The following MYCBP2 variants were observed in gnomAD, a reference collection of about 807,000 sequenced individuals.
MYCBP2 encodes E3 ubiquitin-protein ligase MYCBP2.
Under a neutral mutation model 525.3 loss-of-function variants are expected in MYCBP2, and 120 were observed. That is an observed-to-expected ratio of 0.23 (90% CI 0.20 to 0.27). The LOEUF (loss-of-function observed/expected upper bound fraction) is 0.27. Ranked by LOEUF, MYCBP2 falls within the 10% of genes least tolerant of loss-of-function variation. MYCBP2 has a pLI of 1.00. For missense variants in MYCBP2, 4,149 were observed against 5,657.1 expected (o/e 0.73, Z 8.55); for synonymous variants, 1,894 against 1,955.8 (o/e 0.97, Z 0.83).
chr13:77,261,823 T>A (rs190782726), intron 11 of MYCBP2, among the ~76,000 whole-genome samples: 2 of 152,188 alleles, frequency 1.3e-5, no homozygotes, highest in East Asian at 3.9e-4. Context: ...CTTCAATTTG[T>A]AAAAAGAGCA....
At chr13:77,080,501 C>T (rs1295597038) in intron 65 of MYCBP2, 1 of 152,142 alleles carries the variant, frequency 6.6e-6, no homozygotes. Flanking sequence ...AAATAGGACT[C>T]TTTTTTCTTG....
At chr13:77,153,064 C>CAAGAA (rs2056728855) in intron 46 of MYCBP2, among the ~76,000 whole-genome samples, 1 of 78,924 alleles carries the variant, frequency 1.3e-5, no homozygotes, top group East Asian at 3.5e-4. Flanking sequence ...GACTCTGTCT[C>CAAGAA]AAAAAAAAAA....
intron 82 of MYCBP2, among the ~76,000 whole-genome samples, chr13:77,048,524 TTATTC>T (rs753280095): frequency 3.9e-5 from 6 of 152,194 alleles, no homozygotes; most frequent in Non-Finnish European, 7.4e-5. Context: ...GGGATCTCCT[TTATTC>T]TATTCCAGTT....
rs749834392 is a variant in MYCBP2, at chr13:77,326,430, G to A, written c.302+44C>T. 3.4e-5 allele frequency: 51 copies of A among 1,496,580 alleles called. 1 individual carries two copies. In the South Asian group the frequency reaches 6.0e-4, roughly 18 times the overall value. 92.7% of individuals were successfully genotyped at this position (1,496,580 alleles called of 1,614,324 possible). A position where few individuals can be genotyped will look rare whatever the true frequency, so the allele number is the denominator to read the frequency against. The stretch of plus-strand genomic sequence containing the variant: ...GTGCACGCGCGGCATGGGGCGCAAG[G>A]AAGGGCGGCATGGGGCGCAAGGAAG... On this transcript the variant is annotated intron_variant, in intron 1 of 82. Transcript: ENST00000544440. This position sits in a 1 kb window ranked among gnomAD's most constrained non-coding sequence, Gnocchi z 4.2.
In MYCBP2 at chr13:77,093,150, A is replaced by G; in HGVS notation, c.10367+15T>C. 1 of 1,599,340 alleles carries G rather than the reference A, an allele frequency of 6.3e-7. No individual in the cohort carries two copies. The highest frequency in any genetic ancestry group is 8.5e-7 in the Non-Finnish European group (1 of 1,173,114). ...AAACACTAGCTATTCAACAGACAGG[A>G]GAGAACTAAAATACCTTGGTGGCAT... On this transcript the variant is annotated intron_variant, in intron 59 of 82. Transcript: ENST00000544440.
intron 1 of MYCBP2, among the ~76,000 whole-genome samples, chr13:77,304,410 T>C (rs1387227805): frequency 6.6e-6 from 1 of 152,184 alleles, no homozygotes; most frequent in Non-Finnish European, 1.5e-5. Flanking sequence ...TTTACTCATA[T>C]GTGGAAGCTA....
chr13:77,128,731 C>G (rs1344471800), intron 52 of MYCBP2, among the ~76,000 whole-genome samples: 4 of 151,848 alleles, frequency 2.6e-5, no homozygotes, highest in Non-Finnish European at 5.9e-5. Flanking sequence ...GACCCAGGTA[C>G]CAGCATATTA....
At chr13:77,072,256 A>G (rs1205452043) in intron 68 of MYCBP2, among the ~76,000 whole-genome samples, 4 of 149,354 alleles carry the variant, frequency 2.7e-5, no homozygotes, top group Non-Finnish European at 5.9e-5. Flanking sequence ...GCACCACTGC[A>G]CTCCAGCCTG....
chr13:77,284,777 T>G (rs868585421), intron 3 of MYCBP2, among the ~76,000 whole-genome samples: 1 of 152,230 alleles, frequency 6.6e-6, no homozygotes, highest in Non-Finnish European at 1.5e-5. Context: ...TGCCAGGTAC[T>G]GTTCTCTCAA....
chr13:77,146,109 G>A, intron 48 of MYCBP2, 53 bp downstream of exon 48: 2 of 1,177,546 alleles, frequency 1.7e-6, no homozygotes, highest in Non-Finnish European at 1.2e-6. Flanking sequence ...GATTTTAGTT[G>A]CAAGCAGCTG....
chr13:77,188,445 T>C (rs1467405535), intron 30 of MYCBP2, among the ~76,000 whole-genome samples: 1 of 152,192 alleles, frequency 6.6e-6, no homozygotes, highest in Non-Finnish European at 1.5e-5. Context: ...GATCAAGACC[T>C]TAATTTATAC....
intron 28 of MYCBP2, among the ~76,000 whole-genome samples, chr13:77,190,686 C>T (rs2061216323): frequency 6.6e-6 from 1 of 152,012 alleles, no homozygotes; most frequent in African/African-American, 2.4e-5. Context: ...TGTGCCATGA[C>T]ATTCCAAGTC....
At chr13:77,089,488 T>C (rs1405135000) in intron 60 of MYCBP2, among the ~76,000 whole-genome samples, 1 of 152,138 alleles carries the variant, frequency 6.6e-6, no homozygotes, top group Non-Finnish European at 1.5e-5. Context: ...ATCATCTGAC[T>C]ATAATTTTTA....
In MYCBP2 at chr13:77,278,749, G is replaced by A. The variant is rs540050432; in HGVS notation, c.748+9C>T. Reference sequence around the variant, plus strand: ...TTAAATGCTTCACTGAATGAGCCTTGGCTCTTACCTAGGACCTCAGGTGGC... The same window carrying A: ...TTAAATGCTTCACTGAATGAGCCTTAGCTCTTACCTAGGACCTCAGGTGGC... On this transcript the variant is annotated intron_variant, in intron 4 of 82. Transcript: ENST00000544440. 4.4e-5 allele frequency: 66 copies of A among 1,513,026 alleles called. No homozygotes were observed. In the East Asian group the frequency reaches 1.6e-3, roughly 37 times the overall value. The allele number at this position is 1,513,026 out of a possible 1,614,324, so 93.7% of individuals were successfully genotyped here. A position where few individuals can be genotyped will look rare whatever the true frequency, so the allele number is the denominator to read the frequency against.
At chr13:77,185,407 T>C (rs759055500) in intron 31 of MYCBP2, 30 bp from the exon 32 acceptor site, 1 of 1,587,476 alleles carries the variant, frequency 6.3e-7, no homozygotes, top group African/African-American at 1.4e-5. Flanking sequence ...GATTGGTAAT[T>C]AAGCAAAATA....
intron 80 of MYCBP2, among the ~76,000 whole-genome samples, chr13:77,055,352 A>G (rs1365839317): frequency 2.6e-5 from 4 of 152,192 alleles, no homozygotes; most frequent in Non-Finnish European, 5.9e-5. Flanking sequence ...CATGTTTCGA[A>G]AAGTTTGTTC....
At chr13:77,162,008 T>A in intron 43 of MYCBP2, 53 bp from the exon 44 acceptor site, 1 of 1,239,750 alleles carries the variant, frequency 8.1e-7, no homozygotes, top group Non-Finnish European at 1.2e-6. Flanking sequence ...TAGTTTAGTT[T>A]AATTTTCTAG....
At chr13:77,053,147 A>G (rs992508684) in intron 80 of MYCBP2, among the ~76,000 whole-genome samples, 2 of 152,170 alleles carry the variant, frequency 1.3e-5, no homozygotes, top group African/African-American at 2.4e-5. Flanking sequence ...CAAAAAAAAA[A>G]AAAAGGCAAA....
intron 47 of MYCBP2, among the ~76,000 whole-genome samples, chr13:77,148,740 C>T (rs887708791): frequency 2.0e-5 from 3 of 152,048 alleles, no homozygotes; most frequent in African/African-American, 7.2e-5. Flanking sequence ...CTTTTCTGAT[C>T]GGTGCTTTCT....
Sources: gnomAD v4.1 joint callset for allele counts (sites outside exome capture counted in the v4.1 genomes callset) on GRCh38, gnomAD v4.1.1 for gene constraint, Gnocchi (gnomAD v3.1) non-coding constraint, MANE v1.5 for transcripts, NCBI Gene and HGNC (gene_info 2026-07-23, HGNC 2026-07-21) for gene names.